CEACAM4: variants seen among roughly 807,000 people sequenced by gnomAD.
CEACAM4 encodes CEA cell adhesion molecule 4.
In CEACAM4, 30 loss-of-function variants were observed where a neutral mutation model predicts 28.7. That is an observed-to-expected ratio of 1.05 (90% CI 0.78 to 1.42). CEACAM4 has a LOEUF of 1.42. CEACAM4 is among the 40% of genes most tolerant of loss of function. The pLI is 0.00. For synonymous variants in CEACAM4, 143 were observed against 126.5 expected (o/e 1.13, Z -0.87); for missense variants, 330 against 308.2 (o/e 1.07, Z -0.53).
At position 41,620,585 on chromosome 19, in the gene CEACAM4, G is replaced by A. The variant is rs782422504; in HGVS notation, c.585C>T (p.Ala195=). ...TGAAGGGACACTCACCAGGGGTGGA[G>A]GCTGGGGGCGGCTGCTCCCTGAGGT... ...QRDLREQPPP[A]STPGHGPSHR... Residue 195 remains alanine (A), a synonymous_variant, in exon 4 of 7, where the codon GCC becomes GCT. Transcript: ENST00000221954. 24 of 1,612,766 alleles carry A rather than the reference G, an allele frequency of 1.5e-5. No individual in the cohort carries two copies. The East Asian group carries it at 3.3e-4, about 22-fold the overall frequency.
downstream of CEACAM4, among the ~76,000 whole-genome samples, chr19:41,614,400 G>C (rs782491648): frequency 4.0e-4 from 61 of 152,228 alleles, 1 homozygote; most frequent in Non-Finnish European, 7.3e-5. Flanking sequence ...ATAGTGGTCA[G>C]AGCGTGTGCG....
In CEACAM4 at chr19:41,620,575, CA is replaced by C. The variant is rs2071214422; in HGVS notation, c.594del (p.Gly199AlafsTer81). On this transcript the variant is annotated frameshift_variant and splice_region_variant, in exon 4 of 7. Transcript: ENST00000221954. LOFTEE classifies it high-confidence loss of function. The stretch of plus-strand genomic sequence containing the variant: ...ACACCTGGGCTGAAGGGACACTCAC[CA>C]GGGGTGGAGGCTGGGGGCGGCTGCT... ...LREQPPPAST[P>X]GHGPSHRSTF... The C allele has an allele frequency of 6.2e-7, 1 of 1,612,286 alleles. No individual in the cohort carries two copies. Among genetic ancestry groups the C allele is most frequent in the Non-Finnish European group, 8.5e-7 (1 of 1,178,964 alleles).
intron 2 of CEACAM4, among the ~76,000 whole-genome samples, chr19:41,622,853 T>TATAGATAG (rs1288831230): frequency 0.051 from 6,688 of 132,264 alleles, 163 homozygotes; most frequent in East Asian, 0.075. Flanking sequence ...TATACATATA[T>TATAGATAG]ATAGATAGAT....
downstream of CEACAM4, among the ~76,000 whole-genome samples, chr19:41,616,769 G>A (rs1206556950): frequency 6.6e-6 from 1 of 152,100 alleles, no homozygotes; most frequent in Non-Finnish European, 1.5e-5. Context: ...AGTGATGGAT[G>A]TGCTTCAAAG....
chr19:41,616,920 G>T (rs1469393512), downstream of CEACAM4, among the ~76,000 whole-genome samples: 1 of 152,184 alleles, frequency 6.6e-6, no homozygotes, highest in Non-Finnish European at 1.5e-5. Flanking sequence ...CCACATCCTG[G>T]ATGCAGCAAG....
chr19:41,617,904 G>T (rs73931726), downstream of CEACAM4, among the ~76,000 whole-genome samples: 1,349 of 148,982 alleles, frequency 9.1e-3, 22 homozygotes, highest in African/African-American at 0.031. Context: ...GTGTGCAGGT[G>T]GGATCAGGGG....
chr19:41,622,090 T>C (rs1158442052), intron 2 of CEACAM4, among the ~76,000 whole-genome samples: 3 of 152,052 alleles, frequency 2.0e-5, no homozygotes, highest in African/African-American at 7.2e-5. Flanking sequence ...CTTTTTCTTT[T>C]TTTTTTGGAT....
intron 5 of CEACAM4, among the ~76,000 whole-genome samples, 135 bp downstream of exon 5, chr19:41,620,057 AGAGGCCCGGATCCTGGCCG>A (rs1486159059): frequency 6.6e-6 from 1 of 152,042 alleles, no homozygotes; most frequent in African/African-American, 2.4e-5. Context: ...GGCCCTGTAG[AGAGGCCCGGATCCTGGCCG>A]GAGGCACTCA....
At position 41,619,204 on chromosome 19, in the gene CEACAM4, C is replaced by A; in HGVS notation, c.*126G>T. 3 of 795,576 alleles carry A rather than the reference C, an allele frequency of 3.8e-6. No individual in the cohort carries two copies. Among genetic ancestry groups the A allele is most frequent in the Non-Finnish European group, 6.5e-6 (3 of 460,722 alleles). The allele number at this position is 795,576 out of a possible 1,614,324, so 49.3% of individuals were successfully genotyped here. A position where few individuals can be genotyped will look rare whatever the true frequency, so the allele number is the denominator to read the frequency against. On this transcript the variant is annotated 3_prime_UTR_variant, in exon 7 of 7. Transcript: ENST00000221954. ...CAGGGACTCCCATCCCTCCCTGTCC[C>A]CAGGCCTGTGTCTCCTCAGGACTCA...
chr19:41,620,433 C>T (rs192892410), intron 4 of CEACAM4, 142 bp downstream of exon 4: 29 of 859,930 alleles, frequency 3.4e-5, no homozygotes, highest in Middle Eastern at 2.2e-4. Flanking sequence ...ACAAGACAGT[C>T]GGGGTCCCCT....
chr19:41,620,569 A>G lies in CEACAM4; in HGVS notation c.595+6T>C. The G allele has an allele frequency of 1.2e-6, 2 of 1,611,274 alleles. No homozygotes were observed. Among genetic ancestry groups the G allele is most frequent in the Non-Finnish European group, 1.7e-6 (2 of 1,178,468 alleles). Reference sequence around the variant, plus strand: ...GCTCCCACACCTGGGCTGAAGGGACACTCACCAGGGGTGGAGGCTGGGGGC... The same window carrying G: ...GCTCCCACACCTGGGCTGAAGGGACGCTCACCAGGGGTGGAGGCTGGGGGC... On this transcript the variant is annotated splice_donor_region_variant and intron_variant, in intron 4 of 6. Coordinates refer to ENST00000221954, the MANE Select transcript of CEACAM4 (RefSeq NM_001817.4).
downstream of CEACAM4, among the ~76,000 whole-genome samples, chr19:41,614,176 G>A (rs536011427): frequency 3.9e-4 from 59 of 152,268 alleles, 1 homozygote; most frequent in South Asian, 4.2e-3. Context: ...GAGGCTGCTC[G>A]TCACTTGTCA....
chr19:41,623,419 A>ATTTTTTTTTTTTTTTTTTTTTCCTCT, intron 2 of CEACAM4, among the ~76,000 whole-genome samples: 1 of 105,060 alleles, frequency 9.5e-6, no homozygotes, highest in Non-Finnish European at 2.0e-5. Context: ...TTCGAACTGC[A>ATTTTTTTTTTTTTTTTTTTTTCCTCT]TTTTTTTTTT....
downstream of CEACAM4, among the ~76,000 whole-genome samples, chr19:41,616,114 G>A (rs1424168129): frequency 6.6e-6 from 1 of 152,042 alleles, no homozygotes; most frequent in East Asian, 1.9e-4. Context: ...ACTGCAACTT[G>A]TGTCTCCCAG....
At position 41,620,206 on chromosome 19, in the gene CEACAM4, CT is replaced by C; in HGVS notation, c.627+4del. Reference sequence around the variant, plus strand: ...AGAAAAGGGCTGGGGAGGGAACAGGCTTACCGAGAAGGTGGATCTGTGAGAG... The same window carrying C: ...AGAAAAGGGCTGGGGAGGGAACAGGCTACCGAGAAGGTGGATCTGTGAGAG... On this transcript the variant is annotated splice_donor_region_variant and intron_variant, in intron 5 of 6. Coordinates refer to ENST00000221954, the MANE Select transcript of CEACAM4 (RefSeq NM_001817.4). 1 of 1,492,256 alleles carries C rather than the reference CT, an allele frequency of 6.7e-7. No homozygotes were observed. The highest frequency in any genetic ancestry group is 8.9e-7 in the Non-Finnish European group (1 of 1,126,448). 92.4% of individuals were successfully genotyped at this position (1,492,256 alleles called of 1,614,324 possible). A position where few individuals can be genotyped will look rare whatever the true frequency, so the allele number is the denominator to read the frequency against.
downstream of CEACAM4, among the ~76,000 whole-genome samples, chr19:41,614,282 G>C (rs1162840381): frequency 6.6e-6 from 1 of 152,204 alleles, no homozygotes; most frequent in Non-Finnish European, 1.5e-5. Context: ...ATGTATTTAT[G>C]AAGTACCCTG....
chr19:41,620,899 A>C (rs1555801122), intron 3 of CEACAM4, among the ~76,000 whole-genome samples: 1 of 151,990 alleles, frequency 6.6e-6, no homozygotes, highest in African/African-American at 2.4e-5. Flanking sequence ...CTGAGGACTC[A>C]GGGAGGGAAT....
intron 5 of CEACAM4, 117 bp downstream of exon 5, chr19:41,620,094 C>T: frequency 1.0e-6 from 1 of 977,820 alleles, no homozygotes; most frequent in Non-Finnish European, 1.5e-6. Context: ...TCACTTTGAC[C>T]TGACTGTTCT....
rs538937334 is a variant in CEACAM4 at position 41,619,267 on chromosome 19, G to A, written c.*63C>T. The A allele has an allele frequency of 7.3e-5, 101 of 1,375,076 alleles. No individual in the cohort carries two copies. Among genetic ancestry groups the A allele is most frequent in the East Asian group, 6.9e-4 (30 of 43,714 alleles). The allele number at this position is 1,375,076 out of a possible 1,614,324, so 85.2% of individuals were successfully genotyped here. On this transcript the variant is annotated 3_prime_UTR_variant, in exon 7 of 7. Coordinates refer to ENST00000221954, the MANE Select transcript of CEACAM4 (RefSeq NM_001817.4). ...TGGCTCAGGCTCCATGTCCTTCCCC[G>A]TCCCCAGGGCTGGGAGCTTCGGGGA...
Sources: allele counts gnomAD v4.1 joint callset (sites outside exome capture counted in the v4.1 genomes callset), GRCh38; gene constraint gnomAD v4.1.1; transcripts MANE v1.5; gene names NCBI Gene and HGNC (gene_info 2026-07-23, HGNC 2026-07-21).